The following AGBL3 variants were observed in gnomAD, a reference collection of about 807,000 sequenced individuals.
AGBL3 encodes the protein AGBL carboxypeptidase 3.
In AGBL3, 68 loss-of-function variants were observed where a neutral mutation model predicts 94.5. The ratio of observed to expected loss-of-function variants is 0.72; its 90% CI spans 0.59 to 0.88. The LOEUF is 0.88. AGBL3 is among the 40% of genes least tolerant of loss of function. The probability of loss-of-function intolerance (pLI) is 0.00; values close to 1 mark genes in which losing one functional copy is unlikely to be tolerated. For missense variants in AGBL3, 934 were observed against 1,103.8 expected, an observed-to-expected ratio of 0.85 and a Z score of 2.18; for synonymous variants, 354 against 370.7, an observed-to-expected ratio of 0.95 and a Z score of 0.52.
chr7:135,067,787 G>GA (rs1263163759), intron 12 of AGBL3, among the ~76,000 whole-genome samples: 1 of 152,118 alleles, frequency 6.6e-6, no homozygotes, highest in African/African-American at 2.4e-5. Context: ...CAAAGATGGG[G>GA]AAAAAACAGA....
chr7:135,056,573 T>C (rs1340356179), intron 11 of AGBL3, among the ~76,000 whole-genome samples: 1 of 152,000 alleles, frequency 6.6e-6, no homozygotes. Context: ...AAGGTTAATA[T>C]ACAATTGCCT....
intron 15 of AGBL3, among the ~76,000 whole-genome samples, chr7:135,096,454 A>C (rs1822731058): frequency 6.6e-6 from 1 of 151,752 alleles, no homozygotes; most frequent in Admixed American, 6.6e-5. Context: ...CTATTCTTTT[A>C]ATGACTCGTG....
intron 12 of AGBL3, among the ~76,000 whole-genome samples, chr7:135,063,556 G>C (rs11971325): frequency 6.4e-4 from 97 of 151,742 alleles, no homozygotes; most frequent in African/African-American, 1.8e-3. Context: ...CATCTGATAA[G>C]TTTTGATATG....
chr7:135,028,876 T>A (rs1459591486), intron 5 of AGBL3, among the ~76,000 whole-genome samples: 10 of 152,188 alleles, frequency 6.6e-5, no homozygotes, highest in Admixed American at 2.0e-4. Context: ...TGCAGAATGG[T>A]TGTTTCGTTA....
At position 135,059,222 on chromosome 7, in the gene AGBL3, A is replaced by G. The variant is rs1012606366; in HGVS notation, c.1895A>G (p.Lys632Arg). ...ATTGACTCTCTGACTTACCTTCTCA[A>G]GTTAACTTCTCAGGTATGACTGAAC... Reference protein sequence around the residue: ...ESIDSLTYLLKLTSQKKHLKT... With the variant: ...ESIDSLTYLLRLTSQKKHLKT... Residue 632 changes from lysine (K) to arginine (R), a missense_variant, in exon 12 of 17, where the codon AAG becomes AGG. Around this residue, in one of 3 missense-constraint regions of AGBL3, gnomAD observed 441 missense variants for 518.2 expected, o/e 0.85. Transcript: ENST00000436302. 1 of 1,550,948 alleles carries G rather than the reference A, an allele frequency of 6.4e-7. No homozygotes were observed. Among genetic ancestry groups the G allele is most frequent in the Non-Finnish European group, 8.7e-7 (1 of 1,146,500 alleles).
At chr7:135,085,087 G>A (rs1338823384) in intron 15 of AGBL3, among the ~76,000 whole-genome samples, 1 of 152,024 alleles carries the variant, frequency 6.6e-6, no homozygotes, top group African/African-American at 2.4e-5. Context: ...GCATATCTCT[G>A]ATGATTAGTG....
chr7:135,009,957 G>A (rs1812902186), intron 4 of AGBL3: 2 of 418,726 alleles, frequency 4.8e-6, no homozygotes, highest in Non-Finnish European at 9.3e-6. Context: ...TCTATGGTGG[G>A]TTGGCGAAAA....
chr7:135,135,438 G>A lies in AGBL3; in HGVS notation c.*177G>A. ...TTCTGTAGTGGGAACATCTTTCAGA[G>A]ATTTAAAAAGAAATCCAGAGAAAAT... On this transcript the variant is annotated 3_prime_UTR_variant, in exon 17 of 17. Coordinates refer to ENST00000436302, the MANE Select transcript of AGBL3 (RefSeq NM_178563.4). 2.4e-6 allele frequency: 1 copy of A among 416,232 alleles called. No homozygotes were observed. Among genetic ancestry groups the A allele is most frequent in the Non-Finnish European group, 4.1e-6 (1 of 243,082 alleles). The allele number at this position is 416,232 out of a possible 1,614,324, so 25.8% of individuals were successfully genotyped here.
At chr7:135,033,337 T>C (rs1815971517) in intron 6 of AGBL3, among the ~76,000 whole-genome samples, 1 of 152,196 alleles carries the variant, frequency 6.6e-6, no homozygotes, top group African/African-American at 2.4e-5. Context: ...ATGGAAATAT[T>C]TAAACATACA....
At chr7:135,063,107 G>A (rs571376765) in intron 12 of AGBL3, among the ~76,000 whole-genome samples, 5 of 152,112 alleles carry the variant, frequency 3.3e-5, no homozygotes, top group African/African-American at 1.2e-4. Context: ...ATGTAGCAAG[G>A]AATTTATTTA....
At chr7:135,046,504 C>T (rs1817372141) in intron 11 of AGBL3, among the ~76,000 whole-genome samples, 1 of 152,050 alleles carries the variant, frequency 6.6e-6, no homozygotes, top group East Asian at 1.9e-4. Flanking sequence ...CCCTGGAAAC[C>T]ACAGATATTT....
At chr7:135,119,782 C>A (rs1207531229) in intron 16 of AGBL3, among the ~76,000 whole-genome samples, 1 of 152,034 alleles carries the variant, frequency 6.6e-6, no homozygotes, top group African/African-American at 2.4e-5. Flanking sequence ...GAGGCTGAGG[C>A]AGGAGAATGG....
At chr7:135,096,337 A>G (rs931151540) in intron 15 of AGBL3, among the ~76,000 whole-genome samples, 2 of 151,520 alleles carry the variant, frequency 1.3e-5, no homozygotes, top group African/African-American at 4.8e-5. Flanking sequence ...AAAGAAAAAG[A>G]GGAAAGAAAG....
intron 7 of AGBL3, among the ~76,000 whole-genome samples, chr7:135,035,685 T>C (rs1428285409): frequency 1.3e-5 from 2 of 152,114 alleles, no homozygotes; most frequent in Non-Finnish European, 2.9e-5. Context: ...TTATTCAAAT[T>C]AATCTAAGAT....
chr7:135,024,830 G>A (rs527687095), intron 5 of AGBL3, among the ~76,000 whole-genome samples: 2 of 148,344 alleles, frequency 1.3e-5, no homozygotes, highest in African/African-American at 4.8e-5. Context: ...TTCACTACAA[G>A]AATTACATAA....
chr7:135,032,362 T>C (rs1815838738), intron 5 of AGBL3, among the ~76,000 whole-genome samples: 1 of 152,120 alleles, frequency 6.6e-6, no homozygotes, highest in Admixed American at 6.5e-5. Context: ...TAAAGTGTAG[T>C]GACGCGATCT....
chr7:135,007,493 C>T (rs1201221270), intron 4 of AGBL3, among the ~76,000 whole-genome samples: 1 of 151,820 alleles, frequency 6.6e-6, no homozygotes, highest in Non-Finnish European at 1.5e-5. Flanking sequence ...CCTTTCATGA[C>T]AAAAACACTC....
At chr7:135,070,574 T>G (rs112072816) in intron 12 of AGBL3, among the ~76,000 whole-genome samples, 1 of 152,024 alleles carries the variant, frequency 6.6e-6, no homozygotes, top group Non-Finnish European at 1.5e-5. Context: ...GTTCAACATA[T>G]GCAAATCAAT....
At chr7:135,072,815 A>C (rs1223492615) in intron 12 of AGBL3, among the ~76,000 whole-genome samples, 4 of 151,980 alleles carry the variant, frequency 2.6e-5, no homozygotes, top group Non-Finnish European at 1.5e-5. Flanking sequence ...CTAATGTTAA[A>C]TGACAAGTGA....
Sources: allele counts gnomAD v4.1 joint callset (sites outside exome capture counted in the v4.1 genomes callset), GRCh38; gene constraint gnomAD v4.1.1; regional missense constraint gnomAD v4.1.1; transcripts MANE v1.5; gene names NCBI Gene and HGNC (gene_info 2026-07-23, HGNC 2026-07-21).